TFDP2: variants seen among roughly 807,000 people sequenced by gnomAD.
TFDP2 encodes transcription factor Dp-2 (E2F dimerization partner 2).
In TFDP2, 17 loss-of-function variants were observed where a neutral mutation model predicts 59.3. That is an observed-to-expected ratio of 0.29 (90% CI 0.20 to 0.43). The LOEUF is 0.43. TFDP2 is among the 20% of genes least tolerant of loss of function. The pLI is 1.00. For missense variants in TFDP2, 391 were observed against 528.8 expected, an observed-to-expected ratio of 0.74 and a Z score of 2.56; for synonymous variants, 180 against 194.7, an observed-to-expected ratio of 0.92 and a Z score of 0.63.
At chr3:142,064,613 A>G (rs747424483) in intron 3 of TFDP2, among the ~76,000 whole-genome samples, 19 of 152,290 alleles carry the variant, frequency 1.2e-4, no homozygotes, top group Non-Finnish European at 2.6e-4. Context: ...TGCGATTTAC[A>G]TGTCTGCAGT....
At position 142,132,602 on chromosome 3, in the gene TFDP2, G is replaced by A. The variant is rs191082645; in HGVS notation, c.-93+16581C>T. ...CTAGAAAAAATACAAAAAATTAGCC[G>A]GGCATGGTGGTAAGCGCCTGTAGTT... On this transcript the variant is annotated intron_variant, in intron 1 of 12. Coordinates refer to ENST00000489671, the MANE Select transcript of TFDP2 (RefSeq NM_001178139.2). Among the ~76,000 whole-genome samples, 19 of 148,810 alleles carry A rather than the reference G, an allele frequency of 1.3e-4. 1 individual carries two copies. The highest frequency in any genetic ancestry group is 2.2e-4 in the Non-Finnish European group (15 of 67,884).
chr3:141,980,755 C>T (rs540389365), intron 6 of TFDP2, among the ~76,000 whole-genome samples: 5 of 151,786 alleles, frequency 3.3e-5, no homozygotes, highest in South Asian at 2.1e-4. Flanking sequence ...AGGCTGGTCT[C>T]GAACTCCTGA....
intron 1 of TFDP2, among the ~76,000 whole-genome samples, chr3:142,139,092 T>C (rs942878623): frequency 6.6e-6 from 1 of 152,260 alleles, no homozygotes; most frequent in Non-Finnish European, 1.5e-5. Context: ...GCTCTTCTTG[T>C]TGAATTGATC....
At chr3:141,968,405 T>TATATAAC (rs1938578044) in intron 9 of TFDP2, among the ~76,000 whole-genome samples, 11 of 78,930 alleles carry the variant, frequency 1.4e-4, no homozygotes, top group Non-Finnish European at 8.2e-5. Context: ...ATATATATCA[T>TATATAAC]ATATATAACA....
intron 3 of TFDP2, among the ~76,000 whole-genome samples, chr3:142,007,602 C>T (rs1383903541): frequency 6.6e-6 from 1 of 152,122 alleles, no homozygotes; most frequent in Non-Finnish European, 1.5e-5. Flanking sequence ...ATTATTATTA[C>T]ACTGTAGTAT....
intron 7 of TFDP2, 29 bp downstream of exon 7, chr3:141,978,491 A>C (rs1302426939): frequency 6.3e-7 from 1 of 1,592,844 alleles, no homozygotes; most frequent in African/African-American, 1.4e-5. Flanking sequence ...CATCCATCAA[A>C]ATCAATGTCA....
rs1355831990 is a variant in TFDP2, at chr3:142,101,746, T to C, written c.4A>G (p.Thr2Ala). M[T>A]AKNVGLTSTN... is the part of the protein sequence containing the mutation. ...TTACAAATACTTACATTTTTTGCCG[T>C]CATGTCAAACTGTATTCTATTTAAG... The change falls in exon 2 of 13, where the codon ACG (threonine) becomes GCG (alanine). Residue 2 changes from threonine (T) to alanine (A), a missense_variant. Physicochemically the swap from Thr to Ala is moderately conservative, Grantham distance 58 (BLOSUM62 0). Coordinates refer to ENST00000489671, the MANE Select transcript of TFDP2 (RefSeq NM_001178139.2). 7.4e-7 allele frequency: 1 copy of C among 1,358,880 alleles called. No individual in the cohort carries two copies. The highest frequency in any genetic ancestry group is 2.5e-5 in the East Asian group (1 of 39,328). The allele number at this position is 1,358,880 out of a possible 1,614,324, so 84.2% of individuals were successfully genotyped here. A position where few individuals can be genotyped will look rare whatever the true frequency, so the allele number is the denominator to read the frequency against.
At chr3:142,101,544 C>G (rs1169890176) in intron 2 of TFDP2, among the ~76,000 whole-genome samples, 191 bp downstream of exon 2, 2 of 152,144 alleles carry the variant, frequency 1.3e-5, no homozygotes, top group Non-Finnish European at 2.9e-5. Flanking sequence ...AAGAATGCTA[C>G]TATCTCCATT....
In TFDP2 at chr3:141,952,976, A is replaced by T. The variant is rs1214003771; in HGVS notation, c.1092T>A (p.Leu364=). 6.2e-7 allele frequency: 1 copy of T among 1,614,156 alleles called. No homozygotes were observed. Residue 364 remains leucine, a synonymous_variant, in exon 12 of 13, where the codon CTT becomes CTA. Transcript: ENST00000489671. ...TTGAAACTGATTGGGTAGAGTTCAG[A>T]AGTAGTCCCTGATTTAACCAAGAAG... is the stretch of plus-strand genomic sequence containing the variant. The part of the protein sequence containing the change: ...TGPSWLNQGL[L]LNSTQSVSNL...
chr3:141,961,338 G>A (rs1937341860), intron 10 of TFDP2, among the ~76,000 whole-genome samples: 1 of 150,408 alleles, frequency 6.6e-6, no homozygotes, highest in Admixed American at 6.6e-5. Context: ...TCACCTCCTG[G>A]GTTCAAGTGA....
chr3:142,060,170 ATG>A, intron 3 of TFDP2, among the ~76,000 whole-genome samples: 1 of 152,222 alleles, frequency 6.6e-6, no homozygotes, highest in South Asian at 2.1e-4. Flanking sequence ...GACTGTCTAT[ATG>A]AGGTTATCTT....
rs1576529376 is a variant in TFDP2, at chr3:141,973,954, G to A, written c.663+94C>T. On this transcript the variant is annotated intron_variant, in intron 8 of 12. Coordinates refer to ENST00000489671, the MANE Select transcript of TFDP2 (RefSeq NM_001178139.2). ...ATGACATGGTATACATGAAAAATTG[G>A]AAATATTTTATATTAGAATTACATT... The A allele has an allele frequency of 5.0e-6, 7 of 1,407,792 alleles. No homozygotes were observed. In the East Asian group the frequency reaches 1.8e-4, roughly 37 times the overall value. 87.2% of individuals were successfully genotyped at this position (1,407,792 alleles called of 1,614,324 possible). A position where few individuals can be genotyped will look rare whatever the true frequency, so the allele number is the denominator to read the frequency against.
intron 1 of TFDP2, among the ~76,000 whole-genome samples, chr3:142,105,965 G>A (rs1162396357): frequency 4.1e-4 from 4 of 9,688 alleles, no homozygotes; most frequent in African/African-American, 1.7e-3. Context: ...AATGTTAGAG[G>A]GGGGAAAAAA....
At chr3:141,992,041 C>CAAAAA (rs563215187) in intron 6 of TFDP2, among the ~76,000 whole-genome samples, 1 of 44,128 alleles carries the variant, frequency 2.3e-5, no homozygotes, top group African/African-American at 1.0e-4. Flanking sequence ...GACTCCATCT[C>CAAAAA]AAAAAAAAAA....
intron 7 of TFDP2, among the ~76,000 whole-genome samples, chr3:141,976,175 G>A (rs1157805735): frequency 6.6e-6 from 1 of 152,092 alleles, no homozygotes; most frequent in Non-Finnish European, 1.5e-5. Context: ...CACTGCACCC[G>A]GCCTATAGTA....
At chr3:142,017,439 C>T (rs535076831) in intron 3 of TFDP2, among the ~76,000 whole-genome samples, 12 of 152,234 alleles carry the variant, frequency 7.9e-5, no homozygotes, top group Admixed American at 2.6e-4. Flanking sequence ...TCCTGCCATC[C>T]CGAATCACCA....
At chr3:142,039,215 T>A (rs1946839331) in intron 3 of TFDP2, among the ~76,000 whole-genome samples, 1 of 152,232 alleles carries the variant, frequency 6.6e-6, no homozygotes, top group Non-Finnish European at 1.5e-5. Context: ...CCATTTGCAT[T>A]TCTTCTCCTG....
chr3:142,071,641 A>C (rs1410599973), intron 3 of TFDP2, among the ~76,000 whole-genome samples: 1 of 152,174 alleles, frequency 6.6e-6, no homozygotes, highest in Non-Finnish European at 1.5e-5. Flanking sequence ...TAGTAGTCTG[A>C]CCTATTACAG....
chr3:142,002,803 T>C (rs1943907761), intron 4 of TFDP2, among the ~76,000 whole-genome samples: 1 of 152,172 alleles, frequency 6.6e-6, no homozygotes, highest in Non-Finnish European at 1.5e-5. Context: ...CTAATTTTTG[T>C]CTTAGTCTGC....
Sources: allele counts gnomAD v4.1 joint callset (sites outside exome capture counted in the v4.1 genomes callset), GRCh38; gene constraint gnomAD v4.1.1; transcripts MANE v1.5; gene names NCBI Gene and HGNC (gene_info 2026-07-23, HGNC 2026-07-21).